The following SCYL3 variants were observed in gnomAD, a reference collection of about 807,000 sequenced individuals.
SCYL3 encodes the protein SCY1 like pseudokinase 3.
Under a neutral mutation model 73.8 loss-of-function variants are expected in SCYL3, and 35 were observed. The observed-to-expected ratio is 0.47, with a 90% CI of 0.36 to 0.63. The LOEUF (loss-of-function observed/expected upper bound fraction) is 0.63, where lower values mean the gene tolerates loss of function less well. Ranked by LOEUF, SCYL3 falls within the 20% of genes least tolerant of loss-of-function variation. The probability of loss-of-function intolerance (pLI) is 0.00; values close to 1 mark genes in which losing one functional copy is unlikely to be tolerated. For synonymous variants in SCYL3, 277 were observed against 295.2 expected, an observed-to-expected ratio of 0.94 and a Z score of 0.63; for missense variants, 712 against 798.9, an observed-to-expected ratio of 0.89 and a Z score of 1.31.
intron 11 of SCYL3, chr1:169,856,084 G>A (rs1290545038): frequency 2.5e-6 from 2 of 791,852 alleles, no homozygotes; most frequent in African/African-American, 1.8e-5. Context: ...TAAAATGGAG[G>A]AGAGAACATC....
intron 9 of SCYL3, among the ~76,000 whole-genome samples, chr1:169,863,201 G>A (rs1448091869): frequency 1.3e-5 from 2 of 152,130 alleles, no homozygotes; most frequent in African/African-American, 2.4e-5. Flanking sequence ...GTGAGCCACC[G>A]CGCCCGGCCA....
At chr1:169,876,371 A>G (rs1200909866) in intron 3 of SCYL3, among the ~76,000 whole-genome samples, 1 of 152,212 alleles carries the variant, frequency 6.6e-6, no homozygotes, top group East Asian at 1.9e-4. Context: ...TAAACACATT[A>G]AAGCCAGTGC....
intron 1 of SCYL3, among the ~76,000 whole-genome samples, chr1:169,889,114 T>C (rs1306274769): frequency 1.3e-5 from 2 of 152,228 alleles, no homozygotes; most frequent in African/African-American, 2.4e-5. Flanking sequence ...CACAGGTAGT[T>C]ACTGTCCCTC....
intron 11 of SCYL3, chr1:169,856,038 T>A: frequency 8.0e-7 from 1 of 1,253,962 alleles, no homozygotes. Context: ...TGGGCATAGT[T>A]AAGTGAAATG....
chr1:169,890,457 T>C (rs1365098393), intron 1 of SCYL3, among the ~76,000 whole-genome samples: 1 of 152,226 alleles, frequency 6.6e-6, no homozygotes, highest in African/African-American at 2.4e-5. Flanking sequence ...TCTGTATTCT[T>C]TGGACAAATA....
intron 2 of SCYL3, among the ~76,000 whole-genome samples, chr1:169,886,694 A>G (rs1661709016): frequency 6.6e-6 from 1 of 152,240 alleles, no homozygotes; most frequent in Non-Finnish European, 1.5e-5. Flanking sequence ...AGGCTTACAT[A>G]TATGAGTCAT....
chr1:169,889,777 T>C (rs1661942895), intron 1 of SCYL3, among the ~76,000 whole-genome samples: 2 of 152,188 alleles, frequency 1.3e-5, no homozygotes, highest in African/African-American at 4.8e-5. Context: ...TGGTAACGGG[T>C]GATTATGTCA....
chr1:169,874,933 C>T (rs1158098728), intron 4 of SCYL3, among the ~76,000 whole-genome samples: 1 of 152,026 alleles, frequency 6.6e-6, no homozygotes, highest in Non-Finnish European at 1.5e-5. Context: ...TTTCCCAGCA[C>T]TCCCCAGAAA....
In SCYL3 at chr1:169,862,799, T is replaced by C; in HGVS notation, c.956-2A>G. On this transcript the variant is annotated splice_acceptor_variant, in intron 9 of 12. Transcript: ENST00000367771. LOFTEE classifies it high-confidence loss of function. ...AAGGAGTTTCTCCCTGCGCATGATCTACCCGAAAAATCAAAGGTTACAGAT... is the reference window on the plus strand; with the variant it reads ...AAGGAGTTTCTCCCTGCGCATGATCCACCCGAAAAATCAAAGGTTACAGAT... 6.2e-7 allele frequency: 1 copy of C among 1,612,256 alleles called. No individual in the cohort carries two copies. Among genetic ancestry groups the C allele is most frequent in the Non-Finnish European group, 8.5e-7 (1 of 1,178,944 alleles).
chr1:169,851,719 T>C lies in SCYL3; in HGVS notation c.*1994A>G, dbSNP rs1227438187. The C allele has an allele frequency of 6.9e-7, 1 of 1,458,966 alleles. No individual in the cohort carries two copies. Among genetic ancestry groups the C allele is most frequent in the African/African-American group, 1.4e-5 (1 of 70,644 alleles). 90.4% of individuals were successfully genotyped at this position (1,458,966 alleles called of 1,614,324 possible). On this transcript the variant is annotated 3_prime_UTR_variant, in exon 13 of 13. Coordinates refer to ENST00000367771, the MANE Select transcript of SCYL3 (RefSeq NM_020423.7). ...CATGTGACTTCCAGAATTTGCCTAG[T>C]ATGGTTGAACACTCAGCACTTAAAT...
At chr1:169,870,221 A>G in intron 6 of SCYL3, 34 bp downstream of exon 6, 1 of 1,390,348 alleles carries the variant, frequency 7.2e-7, no homozygotes, top group Non-Finnish European at 1.0e-6. Flanking sequence ...TTTCCTACTT[A>G]TTCTATAGAT....
intron 7 of SCYL3, among the ~76,000 whole-genome samples, chr1:169,868,619 T>G (rs1309313464): frequency 6.6e-6 from 1 of 152,228 alleles, no homozygotes; most frequent in Non-Finnish European, 1.5e-5. Flanking sequence ...CTTACAACTG[T>G]AAACCAGTGG....
At position 169,864,444 on chromosome 1, in the gene SCYL3, G is replaced by A. The variant is rs1170163738; in HGVS notation, c.880C>T (p.Leu294=). 1 of 1,613,960 alleles carries A rather than the reference G, an allele frequency of 6.2e-7. No individual in the cohort carries two copies. Among genetic ancestry groups the A allele is most frequent in the East Asian group, 2.2e-5 (1 of 44,884 alleles). The change falls in exon 9 of 13, where the codon CTG becomes TTG. Residue 294 remains leucine (L), a synonymous_variant. Coordinates refer to ENST00000367771, the MANE Select transcript of SCYL3 (RefSeq NM_020423.7). ...ELIASRLVPL[L]LNQLVFAEPV... is the part of the protein sequence containing the mutation. ...TCTGCAAACACCAACTGATTAAGCA[G>A]AAGAGGCACCAACCTTGAAGCTATC...
In SCYL3 at chr1:169,862,598, A is replaced by G; in HGVS notation, c.1140+15T>C. The G allele has an allele frequency of 6.2e-7, 1 of 1,613,476 alleles. No individual in the cohort carries two copies. Among genetic ancestry groups the G allele is most frequent in the Non-Finnish European group, 8.5e-7 (1 of 1,179,488 alleles). On this transcript the variant is annotated intron_variant, in intron 10 of 12. Coordinates refer to ENST00000367771, the MANE Select transcript of SCYL3 (RefSeq NM_020423.7). ...CAGGTTCTGTGACTACCCCACTGCA[A>G]ACTTGGCCTCTGACCTGTGGCAAGA...
intron 10 of SCYL3, among the ~76,000 whole-genome samples, chr1:169,860,385 T>C (rs146111078): frequency 3.8e-4 from 58 of 152,250 alleles, no homozygotes; most frequent in Non-Finnish European, 1.2e-4. Context: ...TCAAAGCATC[T>C]GCACCAGCCA....
chr1:169,871,727 C>G (rs1228369252), intron 5 of SCYL3, among the ~76,000 whole-genome samples: 2 of 152,160 alleles, frequency 1.3e-5, no homozygotes, highest in African/African-American at 4.8e-5. Flanking sequence ...AAGGTCCAGG[C>G]TGAGGTGGTC....
At chr1:169,879,378 G>C (rs868185371) in intron 2 of SCYL3, among the ~76,000 whole-genome samples, 2 of 152,220 alleles carry the variant, frequency 1.3e-5, no homozygotes, top group African/African-American at 4.8e-5. Flanking sequence ...GGGTATCCCA[G>C]AGAGGAGAGA....
At chr1:169,863,628 CAA>C (rs1046278075) in intron 9 of SCYL3, among the ~76,000 whole-genome samples, 8 of 152,044 alleles carry the variant, frequency 5.3e-5, no homozygotes, top group Non-Finnish European at 1.0e-4. Flanking sequence ...ATGGATCAAG[CAA>C]AGAGGCAAAT....
Position 169,876,095 on chromosome 1 carries a change from G to GAAAAAAAA in SCYL3, c.352-12_352-5dup. 7.2e-7 allele frequency: 1 copy of GAAAAAAAA among 1,384,798 alleles called. No homozygotes were observed. Among genetic ancestry groups the GAAAAAAAA allele is most frequent in the Non-Finnish European group, 9.7e-7 (1 of 1,030,378 alleles). The allele number at this position is 1,384,798 out of a possible 1,614,324, so 85.8% of individuals were successfully genotyped here. On this transcript the variant is annotated splice_region_variant and splice_polypyrimidine_tract_variant and intron_variant, in intron 3 of 12. Coordinates refer to ENST00000367771, the MANE Select transcript of SCYL3 (RefSeq NM_020423.7). ...CATTATTGTGTGTTAGGTGTCCCTG[G>GAAAAAAAA]AAAAAAAAAAGAACAGAAGGAAGAG... is the stretch of plus-strand genomic sequence containing the variant.
Sources: allele counts gnomAD v4.1 joint callset (sites outside exome capture counted in the v4.1 genomes callset), GRCh38; gene constraint gnomAD v4.1.1; transcripts MANE v1.5; gene names NCBI Gene and HGNC (gene_info 2026-07-23, HGNC 2026-07-21).